MORN2: variants seen among roughly 807,000 people sequenced by gnomAD.
MORN2 encodes MORN repeat-containing protein 2.
In MORN2, 15 loss-of-function variants were observed where a neutral mutation model predicts 13.4. The observed-to-expected ratio is 1.12, with a 90% CI of 0.75 to 1.72. The LOEUF is 1.72. MORN2 is among the 40% of genes most tolerant of loss of function. MORN2 has a pLI of 0.00. For synonymous variants in MORN2, 46 were observed against 43.6 expected (o/e 1.06, Z -0.22); for missense variants, 168 against 134.6 (o/e 1.25, Z -1.23).
chr2:38,881,685 CTG>C, intron 4 of MORN2, 107 bp downstream of exon 4: 5 of 932,958 alleles, frequency 5.4e-6, no homozygotes, highest in Non-Finnish European at 7.5e-6. Flanking sequence ...GAGTCTCCCT[CTG>C]TCATCCAGGC....
intron 3 of MORN2, 26 bp downstream of exon 3, chr2:38,880,732 C>T: frequency 6.5e-7 from 1 of 1,548,672 alleles, no homozygotes; most frequent in Non-Finnish European, 8.7e-7. Context: ...TTAATATTGG[C>T]AGTGGATAAA....
intron 2 of MORN2, among the ~76,000 whole-genome samples, 165 bp downstream of exon 2, chr2:38,880,394 A>T (rs184421126): frequency 6.6e-6 from 1 of 152,184 alleles, no homozygotes; most frequent in Non-Finnish European, 1.5e-5. Flanking sequence ...CAAAATTCCA[A>T]TGCCTTGGAA....
At chr2:38,878,144 G>A (rs554457002) in intron 1 of MORN2, among the ~76,000 whole-genome samples, 1 of 152,268 alleles carries the variant, frequency 6.6e-6, no homozygotes, top group South Asian at 2.1e-4. Flanking sequence ...AGTTTCGTTG[G>A]ATGTAGAATA....
At chr2:38,882,227 T>C (rs993758421) in intron 4 of MORN2, among the ~76,000 whole-genome samples, 186 bp from the exon 5 acceptor site, 1 of 151,262 alleles carries the variant, frequency 6.6e-6, no homozygotes, top group African/African-American at 2.4e-5. Flanking sequence ...GTGGTTTTTT[T>C]TTTTTTTTTT....
chr2:38,878,886 C>T (rs1018457957), intron 1 of MORN2, among the ~76,000 whole-genome samples: 7 of 152,112 alleles, frequency 4.6e-5, no homozygotes, highest in African/African-American at 9.7e-5. Context: ...TTGCCCCACC[C>T]GTAAAGACTG....
At chr2:38,880,848 T>C in intron 3 of MORN2, 142 bp downstream of exon 3, 1 of 932,946 alleles carries the variant, frequency 1.1e-6, no homozygotes, top group African/African-American at 1.7e-5. Flanking sequence ...TAACATATAT[T>C]AACTTATGAG....
intron 3 of MORN2, 79 bp downstream of exon 3, chr2:38,880,785 C>G (rs1572729289): frequency 6.8e-7 from 1 of 1,465,462 alleles, no homozygotes; most frequent in East Asian, 2.5e-5. Flanking sequence ...CACCATTAAT[C>G]AAAAACTCCT....
At chr2:38,881,903 G>A (rs1341664920) in intron 4 of MORN2, among the ~76,000 whole-genome samples, 3 of 152,144 alleles carry the variant, frequency 2.0e-5, no homozygotes, top group South Asian at 4.2e-4. Context: ...TGCCTGCCTC[G>A]GCCTCTCAGA....
In MORN2 at chr2:38,881,505, A is replaced by G; in HGVS notation, c.280A>G (p.Asn94Asp). The G allele has an allele frequency of 6.5e-7, 1 of 1,545,564 alleles. No individual in the cohort carries two copies. Among genetic ancestry groups the G allele is most frequent in the Non-Finnish European group, 8.7e-7 (1 of 1,144,760 alleles). The change falls in exon 4 of 5, where the codon AAT becomes GAT. Residue 94 changes from asparagine (N) to aspartate (D), a missense_variant. Coordinates refer to ENST00000644631, the MANE Select transcript of MORN2 (RefSeq NM_001145450.3). ...AGTATATGAAGGACAATTTAAGGAT[A>G]ATATGTTTCATGGACTGGGGACTTA...
At chr2:38,877,327 A>T (rs919370965) in intron 1 of MORN2, among the ~76,000 whole-genome samples, 1 of 151,840 alleles carries the variant, frequency 6.6e-6, no homozygotes, top group African/African-American at 2.4e-5. Context: ...AATAAAAAAG[A>T]AAGAAAGTAG....
chr2:38,878,244 G>C (rs187401754), intron 1 of MORN2, among the ~76,000 whole-genome samples: 2 of 152,266 alleles, frequency 1.3e-5, no homozygotes, highest in East Asian at 3.9e-4. Flanking sequence ...GTCCTTTGTA[G>C]TTTATTGTAG....
At position 38,882,597 on chromosome 2, in the gene MORN2, G is replaced by A. The variant is rs1444261444; in HGVS notation, c.*82G>A. The A allele has an allele frequency of 4.1e-6, 4 of 983,280 alleles. No individual in the cohort carries two copies. The highest frequency in any genetic ancestry group is 6.2e-6 in the Non-Finnish European group (4 of 648,500). The allele number at this position is 983,280 out of a possible 1,614,324, so 60.9% of individuals were successfully genotyped here. On this transcript the variant is annotated 3_prime_UTR_variant, in exon 5 of 5. Coordinates refer to ENST00000644631, the MANE Select transcript of MORN2 (RefSeq NM_001145450.3). ...AGCAACTTAATCTGTTATTTGAAAT[G>A]ACTTCATACACTACCCCTATAAGTT...
chr2:38,880,838 T>C, intron 3 of MORN2, 132 bp downstream of exon 3: 9 of 951,510 alleles, frequency 9.5e-6, no homozygotes, highest in Non-Finnish European at 1.3e-5. Context: ...ATGATCATAT[T>C]AACATATATT....
intron 4 of MORN2, among the ~76,000 whole-genome samples, chr2:38,881,992 G>A (rs1324947259): frequency 6.6e-6 from 1 of 152,198 alleles, no homozygotes; most frequent in Non-Finnish European, 1.5e-5. Flanking sequence ...ATTCTTTTAT[G>A]ATATAGTTTC....
chr2:38,877,063 A>G (rs1321553278), intron 1 of MORN2, among the ~76,000 whole-genome samples: 1 of 152,186 alleles, frequency 6.6e-6, no homozygotes. Flanking sequence ...ACGGCATGGC[A>G]TCTGTGGGAA....
intron 1 of MORN2, among the ~76,000 whole-genome samples, chr2:38,879,831 A>G (rs975489798): frequency 6.6e-6 from 1 of 152,260 alleles, no homozygotes; most frequent in African/African-American, 2.4e-5. Context: ...TAAAGCTATC[A>G]TAATAAATAA....
chr2:38,881,296 G>T, intron 3 of MORN2, 146 bp from the exon 4 acceptor site: 2 of 634,294 alleles, frequency 3.2e-6, no homozygotes, highest in Non-Finnish European at 5.1e-6. Context: ...TGATAAAAAT[G>T]TTGTCTTTAT....
At chr2:38,878,140 G>A (rs1330659411) in intron 1 of MORN2, among the ~76,000 whole-genome samples, 3 of 152,088 alleles carry the variant, frequency 2.0e-5, no homozygotes, top group African/African-American at 4.8e-5. Context: ...TGATAGTTTC[G>A]TTGGATGTAG....
rs762756318 is a variant in MORN2 at position 38,882,628 on chromosome 2, A to G, written c.*113A>G. ...ATACACTACCCCTATAAGTTTGCCAATAAAACCATCACCTGCTTACACCTT... is the reference window on the plus strand; with the variant it reads ...ATACACTACCCCTATAAGTTTGCCAGTAAAACCATCACCTGCTTACACCTT... On this transcript the variant is annotated 3_prime_UTR_variant, in exon 5 of 5. Transcript: ENST00000644631. The G allele has an allele frequency of 7.4e-5, 49 of 658,350 alleles. No individual in the cohort carries two copies. The highest frequency in any genetic ancestry group is 1.1e-4 in the Non-Finnish European group (44 of 394,142). The allele number at this position is 658,350 out of a possible 1,614,324, so 40.8% of individuals were successfully genotyped here.
Sources: gnomAD v4.1 joint callset for allele counts (sites outside exome capture counted in the v4.1 genomes callset) on GRCh38, gnomAD v4.1.1 for gene constraint, MANE v1.5 for transcripts, NCBI Gene and HGNC (gene_info 2026-07-23, HGNC 2026-07-21) for gene names.